Variants in PLCB4 observed in about 807,000 individuals in gnomAD.
PLCB4 encodes the protein phospholipase C beta 4, also known as 1-phosphatidylinositol 4,5-bisphosphate phosphodiesterase beta-4.
In PLCB4, 77 loss-of-function variants were observed where a neutral mutation model predicts 178.8. That is an observed-to-expected ratio of 0.43 (90% CI 0.36 to 0.52). PLCB4 has a LOEUF of 0.52. Ranked by LOEUF, PLCB4 falls within the 20% of genes least tolerant of loss-of-function variation. The probability of loss-of-function intolerance (pLI) is 0.00; values close to 1 mark genes in which losing one functional copy is unlikely to be tolerated. For synonymous variants in PLCB4, 496 were observed against 490.8 expected, an observed-to-expected ratio of 1.01 and a Z score of -0.14; for missense variants, 1,024 against 1,453.4, an observed-to-expected ratio of 0.70 and a Z score of 4.80.
chr20:9,147,303 C>G (rs562884293), intron 2 of PLCB4, among the ~76,000 whole-genome samples: 1 of 152,100 alleles, frequency 6.6e-6, no homozygotes, highest in Non-Finnish European at 1.5e-5. Context: ...AACTAAGGAA[C>G]CTTTGTTCCA....
In PLCB4 at chr20:9,169,213, A is replaced by G. The variant is rs77523365; in HGVS notation, c.-78-48177A>G. ...AGCTGCTTCCTTCCTCTCACTTAACACACAATTTTCCAATGTAATAATCCA... is the reference window on the plus strand; with the variant it reads ...AGCTGCTTCCTTCCTCTCACTTAACGCACAATTTTCCAATGTAATAATCCA... On this transcript the variant is annotated intron_variant, in intron 2 of 39. Transcript: ENST00000378473. Among the ~76,000 whole-genome samples the G allele has an allele frequency of 7.1e-3, 1,074 of 152,208 alleles. 9 individuals carry two copies. The highest frequency in any genetic ancestry group is 0.024 in the Middle Eastern group (7 of 294).
Position 9,231,854 on chromosome 20 carries a change from T to C in PLCB4, c.-16+14402T>C, listed in dbSNP as rs183056015. Among the ~76,000 whole-genome samples the C allele has an allele frequency of 8.7e-4, 132 of 152,284 alleles. 1 individual carries two copies. Among genetic ancestry groups the C allele is most frequent in the Non-Finnish European group, 5.0e-4 (34 of 68,012 alleles). On this transcript the variant is annotated intron_variant, in intron 3 of 39. Transcript: ENST00000378473. ...ATCCACACAAAGACTCGTAAACGTATGTTCATAGCAGCTTTAGTCATAATA... is the reference window on the plus strand; with the variant it reads ...ATCCACACAAAGACTCGTAAACGTACGTTCATAGCAGCTTTAGTCATAATA...
At chr20:9,110,944 T>TC (rs2091553366) in intron 2 of PLCB4, among the ~76,000 whole-genome samples, 1 of 152,222 alleles carries the variant, frequency 6.6e-6, no homozygotes, top group African/African-American at 2.4e-5. Flanking sequence ...TTTTGGTCTT[T>TC]CATCAATTTT....
intron 3 of PLCB4, among the ~76,000 whole-genome samples, chr20:9,299,530 T>C (rs567000433): frequency 6.6e-6 from 1 of 152,112 alleles, no homozygotes; most frequent in South Asian, 2.1e-4. Context: ...TTATAGCCTG[T>C]GGTTATTTTT....
chr20:9,430,907 A>G (rs1245689824), intron 28 of PLCB4, among the ~76,000 whole-genome samples: 1 of 152,222 alleles, frequency 6.6e-6, no homozygotes, highest in East Asian at 1.9e-4. Flanking sequence ...TAAGCACATG[A>G]CTTTTTATGG....
chr20:9,163,809 C>G (rs1050768544), intron 2 of PLCB4, among the ~76,000 whole-genome samples: 2 of 151,908 alleles, frequency 1.3e-5, no homozygotes, highest in Admixed American at 6.6e-5. Flanking sequence ...TAATTTGCCT[C>G]CATTTCATAT....
intron 9 of PLCB4, among the ~76,000 whole-genome samples, chr20:9,366,914 A>G (rs921628935): frequency 2.0e-5 from 3 of 152,222 alleles, no homozygotes; most frequent in Non-Finnish European, 2.9e-5. Context: ...ACTGGGTGGA[A>G]TCCTGTCTTA....
chr20:9,240,278 G>A (rs1448652760), intron 3 of PLCB4, among the ~76,000 whole-genome samples: 1 of 152,048 alleles, frequency 6.6e-6, no homozygotes, highest in African/African-American at 2.4e-5. Flanking sequence ...GTAGGCCGAA[G>A]AATTTTTTTT....
At chr20:9,324,754 T>C (rs1276106746) in intron 4 of PLCB4, among the ~76,000 whole-genome samples, 1 of 152,120 alleles carries the variant, frequency 6.6e-6, no homozygotes, top group Non-Finnish European at 1.5e-5. Context: ...AGAGCCAGCA[T>C]TGACCCTAAG....
intron 25 of PLCB4, among the ~76,000 whole-genome samples, chr20:9,412,539 A>G (rs553901342): frequency 9.7e-4 from 148 of 152,256 alleles, no homozygotes; most frequent in African/African-American, 3.4e-3. Flanking sequence ...ACTGAAAAAG[A>G]CTTTGTCCTT....
At chr20:9,090,838 ATTTTCACAGAAG>A (rs971440654) in intron 1 of PLCB4, among the ~76,000 whole-genome samples, 8 of 152,252 alleles carry the variant, frequency 5.3e-5, no homozygotes, top group African/African-American at 1.9e-4. Context: ...CTGGATAAAT[ATTTTCACAGAAG>A]TTTTCATCAA....
chr20:9,091,128 T>C (rs919646884), intron 1 of PLCB4, among the ~76,000 whole-genome samples: 5 of 152,086 alleles, frequency 3.3e-5, no homozygotes, highest in Non-Finnish European at 7.4e-5. Flanking sequence ...GTACCATACA[T>C]GGGAGAGGGC....
At chr20:9,401,676 A>T (rs1275840428) in intron 20 of PLCB4, 86 bp downstream of exon 20, 1 of 841,864 alleles carries the variant, frequency 1.2e-6, no homozygotes, top group East Asian at 2.6e-5. Flanking sequence ...ACAAGAGAAT[A>T]AAGTAACCTA....
At chr20:9,409,749 A>C (rs1305699774) in intron 24 of PLCB4, among the ~76,000 whole-genome samples, 1 of 151,784 alleles carries the variant, frequency 6.6e-6, no homozygotes, top group African/African-American at 2.4e-5. Flanking sequence ...TCAGGTTTCC[A>C]ATATATAATG....
At chr20:9,095,495 C>T (rs1320881653) in intron 1 of PLCB4, among the ~76,000 whole-genome samples, 5 of 152,012 alleles carry the variant, frequency 3.3e-5, no homozygotes, top group African/African-American at 9.7e-5. Context: ...TAGATTTGAC[C>T]GGAAACAGTT....
chr20:9,216,739 A>C (rs2093737757), intron 2 of PLCB4, among the ~76,000 whole-genome samples: 1 of 151,676 alleles, frequency 6.6e-6, no homozygotes, highest in African/African-American at 2.4e-5. Flanking sequence ...CTCCTGAGGC[A>C]AGTGATCTGC....
chr20:9,274,310 C>T (rs770182965), intron 3 of PLCB4, among the ~76,000 whole-genome samples: 34 of 152,028 alleles, frequency 2.2e-4, no homozygotes, highest in South Asian at 1.2e-3. Context: ...CTTGTGGTGG[C>T]GAATACTTTC....
intron 30 of PLCB4, among the ~76,000 whole-genome samples, chr20:9,440,595 T>C (rs1262492490): frequency 1.3e-5 from 2 of 152,186 alleles, no homozygotes; most frequent in East Asian, 3.9e-4. Flanking sequence ...TTCCACTACA[T>C]TCTGTCATCC....
intron 8 of PLCB4, 138 bp downstream of exon 8, chr20:9,363,113 A>G: frequency 1.4e-6 from 1 of 691,352 alleles, no homozygotes; most frequent in Non-Finnish European, 2.6e-6. Flanking sequence ...GGAGTTGACC[A>G]ACACACACCT....
Sources: allele counts gnomAD v4.1 joint callset (sites outside exome capture counted in the v4.1 genomes callset), GRCh38; gene constraint gnomAD v4.1.1; transcripts MANE v1.5; gene names NCBI Gene and HGNC (gene_info 2026-07-23, HGNC 2026-07-21).